GNA13: variants seen among roughly 807,000 people sequenced by gnomAD.
GNA13 encodes G protein subunit alpha 13.
A neutral mutation model predicts 33.5 loss-of-function variants in GNA13; 4 were observed. The observed-to-expected ratio is 0.12, with a 90% CI of 0.06 to 0.27. The LOEUF (loss-of-function observed/expected upper bound fraction) is 0.27. GNA13 is among the 10% of genes least tolerant of loss of function. The pLI is 1.00. For missense variants in GNA13, 319 were observed against 487.2 expected, an observed-to-expected ratio of 0.65 and a Z score of 3.25; for synonymous variants, 176 against 183.8, an observed-to-expected ratio of 0.96 and a Z score of 0.34.
chr17:65,037,623 T>C (rs942314405), intron 2 of GNA13, among the ~76,000 whole-genome samples: 4 of 151,694 alleles, frequency 2.6e-5, no homozygotes, highest in Non-Finnish European at 2.9e-5. Flanking sequence ...TCAAAAGATG[T>C]AGAGATTTCT....
intron 1 of GNA13, 72 bp downstream of exon 1, chr17:65,056,239 G>GCCCGGCCCCCCCCCCCCC: frequency 8.5e-6 from 8 of 936,162 alleles, no homozygotes; most frequent in Non-Finnish European, 1.1e-5. Flanking sequence ...CCAGGGCGGT[G>GCCCGGCCCCCCCCCCCCC]CCCCGCCCCG....
At chr17:65,041,843 A>C (rs77639953) in intron 2 of GNA13, among the ~76,000 whole-genome samples, 76 of 152,338 alleles carry the variant, frequency 5.0e-4, no homozygotes, top group African/African-American at 1.7e-3. Flanking sequence ...CACATTCTCC[A>C]AACAATCAAA....
intron 2 of GNA13, among the ~76,000 whole-genome samples, chr17:65,027,164 CTAA>C (rs1345417168): frequency 1.3e-5 from 2 of 152,144 alleles, no homozygotes; most frequent in Non-Finnish European, 2.9e-5. Context: ...TACTGACTTC[CTAA>C]TAATTTTTCT....
At chr17:65,047,438 A>T (rs1251438487) in intron 2 of GNA13, among the ~76,000 whole-genome samples, 2 of 152,180 alleles carry the variant, frequency 1.3e-5, no homozygotes, top group African/African-American at 4.8e-5. Flanking sequence ...CTCTAATGTT[A>T]TATATAATCT....
chr17:65,014,655 G>T lies in GNA13; in HGVS notation c.736C>A (p.Leu246Ile). The T allele has an allele frequency of 1.2e-6, 2 of 1,614,168 alleles. No homozygotes were observed. The highest frequency in any genetic ancestry group is 1.7e-6 in the Non-Finnish European group (2 of 1,180,014). Reference sequence around the variant, plus strand: ...TGGTCAAATTCACTTGAGGAAACAAGGAAAAGTATTGATGTCACACTGTCG... The same window carrying T: ...TGGTCAAATTCACTTGAGGAAACAATGAAAAGTATTGATGTCACACTGTCG... ...CFDSVTSILF[L>I]VSSSEFDQVL... is the part of the protein sequence containing the mutation. Residue 246 changes from leucine (L) to isoleucine (I), a missense_variant, in exon 4 of 4, where the codon CTT becomes ATT. Physicochemically the swap from Leu to Ile is conservative, Grantham distance 5. Transcript: ENST00000439174. This position sits in a 1 kb window ranked among gnomAD's most constrained non-coding sequence, Gnocchi z 5.3.
intron 1 of GNA13, 60 bp downstream of exon 1, chr17:65,056,251 A>ACCCCCCCCCCCCCCCCCCCCCCCG: frequency 2.7e-6 from 2 of 740,730 alleles, no homozygotes; most frequent in Non-Finnish European, 4.1e-6. Flanking sequence ...CCCGCCCCGC[A>ACCCCCCCCCCCCCCCCCCCCCCCG]CCCGCCGCCG....
chr17:65,041,270 C>G lies in GNA13; in HGVS notation c.510+12232G>C, dbSNP rs576846075. On this transcript the variant is annotated intron_variant, in intron 2 of 3. Transcript: ENST00000439174. ...CTATTTACAAGCTAAATATAGCTGC[C>G]TTGGCTCAAAGAACCCAATGACATT... Among the ~76,000 whole-genome samples, 39 of 152,218 alleles carry G rather than the reference C, an allele frequency of 2.6e-4. 1 individual carries two copies. The highest frequency in any genetic ancestry group is 1.2e-3 in the South Asian group (6 of 4,824).
At chr17:65,040,241 G>T (rs568004307) in intron 2 of GNA13, among the ~76,000 whole-genome samples, 2 of 152,098 alleles carry the variant, frequency 1.3e-5, no homozygotes, top group African/African-American at 4.8e-5. Context: ...GAAAAGTCCA[G>T]AAAAAATGGA....
chr17:65,035,840 G>A (rs1398921941), intron 2 of GNA13, among the ~76,000 whole-genome samples: 1 of 151,130 alleles, frequency 6.6e-6, no homozygotes, highest in Non-Finnish European at 1.5e-5. Flanking sequence ...AAGAAAAAAA[G>A]TATATGCTGT....
At position 65,039,173 on chromosome 17, in the gene GNA13, T is replaced by A. The variant is rs117363924; in HGVS notation, c.510+14329A>T. On this transcript the variant is annotated intron_variant, in intron 2 of 3. Transcript: ENST00000439174. ...ATATGCCTTTCTTCCCTACCCCACA[T>A]CCAATCTAGCAGATCCCAATGATTT... Among the ~76,000 whole-genome samples the A allele has an allele frequency of 6.4e-3, 980 of 152,184 alleles. 4 individuals are homozygous for A. The highest frequency in any genetic ancestry group is 0.01 in the Non-Finnish European group (712 of 67,996).
chr17:65,017,506 G>A (rs546855210), intron 3 of GNA13, among the ~76,000 whole-genome samples: 21 of 152,278 alleles, frequency 1.4e-4, no homozygotes, highest in African/African-American at 5.1e-4. Context: ...TTCCTAAGCA[G>A]CAGAAACCTT....
intron 2 of GNA13, among the ~76,000 whole-genome samples, chr17:65,027,314 CT>C (rs11393360): frequency 9.5e-5 from 13 of 136,826 alleles, no homozygotes; most frequent in African/African-American, 2.1e-4. Context: ...CCTCCCCCGC[CT>C]TTTTTTTTTT....
intron 2 of GNA13, among the ~76,000 whole-genome samples, chr17:65,042,165 C>A (rs1410304632): frequency 6.6e-6 from 1 of 151,960 alleles, no homozygotes; most frequent in Non-Finnish European, 1.5e-5. Context: ...TCAAGGCCAG[C>A]CTGACCAAAA....
intron 1 of GNA13, 133 bp downstream of exon 1, chr17:65,056,178 T>C (rs1908047431): frequency 1.5e-6 from 1 of 667,740 alleles, no homozygotes; most frequent in Non-Finnish European, 2.2e-6. Context: ...GCGCGCCCCC[T>C]TCCCGCCAGC....
intron 2 of GNA13, among the ~76,000 whole-genome samples, chr17:65,044,323 G>C (rs534850814): frequency 6.6e-6 from 1 of 152,130 alleles, no homozygotes; most frequent in South Asian, 2.1e-4. Flanking sequence ...TGCTAATGTG[G>C]CTATAACAAG....
At chr17:65,039,985 A>C (rs1372719875) in intron 2 of GNA13, among the ~76,000 whole-genome samples, 1 of 152,214 alleles carries the variant, frequency 6.6e-6, no homozygotes, top group Non-Finnish European at 1.5e-5. Context: ...TTCGCTAGTT[A>C]CTTTTCATAT....
At position 65,014,955 on chromosome 17, in the gene GNA13, A is replaced by G. The variant is rs555490731; in HGVS notation, c.562-126T>C. On this transcript the variant is annotated intron_variant, in intron 3 of 3. Transcript: ENST00000439174. The surrounding 1 kb of genome is among the most constrained non-coding windows in gnomAD (Gnocchi z 5.3). Reference sequence around the variant, plus strand: ...GATCTTTTAAGTGACATTTTCAGATAGATTATGCTTATTATAAAATGCCAA... The same window carrying G: ...GATCTTTTAAGTGACATTTTCAGATGGATTATGCTTATTATAAAATGCCAA... 8.7e-5 allele frequency: 55 copies of G among 631,812 alleles called. 1 individual carries two copies. In the South Asian group the frequency reaches 1.1e-3, roughly 12 times the overall value. The allele number at this position is 631,812 out of a possible 1,614,324, so 39.1% of individuals were successfully genotyped here. A position where few individuals can be genotyped will look rare whatever the true frequency, so the allele number is the denominator to read the frequency against.
intron 2 of GNA13, among the ~76,000 whole-genome samples, chr17:65,043,600 T>A (rs1907542115): frequency 6.6e-6 from 1 of 152,170 alleles, no homozygotes; most frequent in South Asian, 2.1e-4. Flanking sequence ...ATGTGGTTTA[T>A]TTTAATTTGT....
At position 65,014,040 on chromosome 17, in the gene GNA13, G is replaced by C; in HGVS notation, c.*217C>G. On this transcript the variant is annotated 3_prime_UTR_variant, in exon 4 of 4. Transcript: ENST00000439174. This position sits in a 1 kb window ranked among gnomAD's most constrained non-coding sequence, Gnocchi z 5.3. ...CTTGAATAGAAGCCATGGTGAAACA[G>C]ATCAAAGCCTGCATTACAGCAAATC... 1 of 533,662 alleles carries C rather than the reference G, an allele frequency of 1.9e-6. No homozygotes were observed. Among genetic ancestry groups the C allele is most frequent in the Non-Finnish European group, 3.3e-6 (1 of 299,996 alleles). The allele number at this position is 533,662 out of a possible 1,614,324, so 33.1% of individuals were successfully genotyped here.
Sources: gnomAD v4.1 joint callset for allele counts (sites outside exome capture counted in the v4.1 genomes callset) on GRCh38, gnomAD v4.1.1 for gene constraint, Gnocchi (gnomAD v3.1) non-coding constraint, MANE v1.5 for transcripts, NCBI Gene and HGNC (gene_info 2026-07-23, HGNC 2026-07-21) for gene names.